Variants in TUSC3 observed in about 807,000 individuals in gnomAD.
The protein encoded by TUSC3 is tumor suppressor candidate 3.
In TUSC3, 45 loss-of-function variants were observed where a neutral mutation model predicts 44.8. The observed-to-expected ratio is 1.00, with a 90% CI of 0.79 to 1.29. The LOEUF (loss-of-function observed/expected upper bound fraction) is 1.29, where lower values mean the gene tolerates loss of function less well. Ranked by LOEUF, TUSC3 falls within the 50% of genes most tolerant of loss-of-function variation. TUSC3 has a pLI of 0.00. For missense variants in TUSC3, 519 were observed against 437.9 expected (o/e 1.19, Z -1.65); for synonymous variants, 212 against 152.9 (o/e 1.39, Z -2.85).
intron 1 of TUSC3, among the ~76,000 whole-genome samples, chr8:15,427,954 A>T (rs549351483): frequency 2.0e-5 from 3 of 147,824 alleles, no homozygotes; most frequent in African/African-American, 7.7e-5. Context: ...ATGCAATTTT[A>T]TTCTTTTTTT....
intron 6 of TUSC3, among the ~76,000 whole-genome samples, chr8:15,724,741 T>A (rs1411931715): frequency 1.3e-5 from 2 of 152,158 alleles, no homozygotes; most frequent in East Asian, 3.9e-4. Flanking sequence ...GGATTTACAC[T>A]AGTACTTTTT....
intron 1 of TUSC3, among the ~76,000 whole-genome samples, chr8:15,455,222 C>T (rs1987460): frequency 6.6e-6 from 1 of 151,972 alleles, no homozygotes; most frequent in Non-Finnish European, 1.5e-5. Flanking sequence ...CCTCCTATTC[C>T]TCCTCCCCCA....
chr8:15,761,847 C>G (rs1040069125), intron 10 of TUSC3, among the ~76,000 whole-genome samples: 1 of 152,040 alleles, frequency 6.6e-6, no homozygotes, highest in African/African-American at 2.4e-5. Context: ...TTAGAAAAAA[C>G]AATATCCAGG....
intron 1 of TUSC3, among the ~76,000 whole-genome samples, chr8:15,541,401 A>C (rs1466834641): frequency 6.6e-6 from 1 of 152,204 alleles, no homozygotes; most frequent in African/African-American, 2.4e-5. Context: ...ATTGTGGACC[A>C]TTTTGGTGAG....
intron 1 of TUSC3, among the ~76,000 whole-genome samples, chr8:15,566,945 A>G (rs917897562): frequency 5.9e-5 from 9 of 152,156 alleles, no homozygotes; most frequent in Non-Finnish European, 1.2e-4. Flanking sequence ...TACAGGTTGT[A>G]ACATGAGTCA....
chr8:15,753,281 C>T (rs933595290), intron 9 of TUSC3, among the ~76,000 whole-genome samples: 2 of 151,936 alleles, frequency 1.3e-5, no homozygotes, highest in Non-Finnish European at 2.9e-5. Flanking sequence ...CTAATATGTC[C>T]GTTCAGCTCT....
the TUSC3 span, among the ~76,000 whole-genome samples, chr8:15,828,433 G>T: frequency 6.6e-6 from 1 of 152,226 alleles, no homozygotes; most frequent in Non-Finnish European, 1.5e-5. Flanking sequence ...AGCACTATTT[G>T]ATTTAAGAGA....
intron 5 of TUSC3, among the ~76,000 whole-genome samples, chr8:15,665,683 G>A (rs1392092836): frequency 6.6e-6 from 1 of 151,048 alleles, no homozygotes; most frequent in Non-Finnish European, 1.5e-5. Context: ...TATTTAAACA[G>A]TGAGATTAAA....
At chr8:15,825,041 G>A in the TUSC3 span, among the ~76,000 whole-genome samples, 9 of 152,144 alleles carry the variant, frequency 5.9e-5, no homozygotes, top group Non-Finnish European at 8.8e-5. Flanking sequence ...ATATATCAGA[G>A]TAGTAACTCA....
At chr8:15,584,770 C>T (rs758492564) in intron 1 of TUSC3, among the ~76,000 whole-genome samples, 2 of 151,932 alleles carry the variant, frequency 1.3e-5, no homozygotes, top group African/African-American at 2.4e-5. Flanking sequence ...TTGACACAGG[C>T]AATCTGAAAG....
At chr8:15,447,135 A>T in intron 1 of TUSC3, among the ~76,000 whole-genome samples, 1 of 152,150 alleles carries the variant, frequency 6.6e-6, no homozygotes, top group Non-Finnish European at 1.5e-5. Context: ...AGTATACCTA[A>T]ATTTAGCTAA....
chr8:15,726,981 A>G (rs1001195554), intron 6 of TUSC3, among the ~76,000 whole-genome samples: 5 of 152,252 alleles, frequency 3.3e-5, no homozygotes, highest in Middle Eastern at 6.8e-3. Context: ...CATTGCCCTT[A>G]GTTAAATATA....
At chr8:15,776,003 T>G in the TUSC3 span, among the ~76,000 whole-genome samples, 1 of 152,004 alleles carries the variant, frequency 6.6e-6, no homozygotes, top group African/African-American at 2.4e-5. Flanking sequence ...TTCCTAAATT[T>G]TACTGTATAG....
intron 1 of TUSC3, among the ~76,000 whole-genome samples, chr8:15,452,502 A>G (rs145974352): frequency 6.8e-4 from 104 of 152,308 alleles, no homozygotes; most frequent in African/African-American, 2.0e-3. Context: ...AACTTTCTCA[A>G]ACTTTAAAAG....
chr8:15,564,682 G>A (rs1250043839), intron 1 of TUSC3, among the ~76,000 whole-genome samples: 1 of 152,120 alleles, frequency 6.6e-6, no homozygotes, highest in East Asian at 1.9e-4. Flanking sequence ...ACATTTCCCA[G>A]TGTCCCATGT....
intron 3 of TUSC3, among the ~76,000 whole-genome samples, chr8:15,651,281 G>T (rs1161517532): frequency 1.3e-5 from 2 of 152,046 alleles, no homozygotes; most frequent in Admixed American, 6.6e-5. Context: ...ACAGATTTGT[G>T]ACATTTTATA....
upstream of TUSC3, among the ~76,000 whole-genome samples, chr8:15,535,871 T>C (rs10110189): frequency 0.84 from 127,631 of 152,162 alleles, 54,280 homozygotes; most frequent in Non-Finnish European, 0.9. Flanking sequence ...GAAATACACC[T>C]CGTGAACATC....
the TUSC3 span, among the ~76,000 whole-genome samples, chr8:15,778,099 CAAAAAA>C: frequency 9.3e-4 from 125 of 134,716 alleles, no homozygotes; most frequent in African/African-American, 3.1e-3. Context: ...CACTTTAAGG[CAAAAAA>C]AAAAAACAAA....
intron 2 of TUSC3, among the ~76,000 whole-genome samples, chr8:15,493,313 T>C (rs990636044): frequency 2.0e-5 from 3 of 152,014 alleles, no homozygotes; most frequent in African/African-American, 7.2e-5. Context: ...CAGGCTAGAG[T>C]GCAGTGGCTC....
Sources: gnomAD v4.1 joint callset for allele counts (sites outside exome capture counted in the v4.1 genomes callset) on GRCh38, gnomAD v4.1.1 for gene constraint, MANE v1.5 for transcripts, NCBI Gene and HGNC (gene_info 2026-07-23, HGNC 2026-07-21) for gene names.